The following CRISPLD2 variants were observed in gnomAD, a reference collection of about 807,000 sequenced individuals.
CRISPLD2 encodes the protein cysteine-rich secretory protein LCCL domain-containing 2.
In CRISPLD2, 47 loss-of-function variants were observed where a neutral mutation model predicts 71.1. That is an observed-to-expected ratio of 0.66 (90% CI 0.52 to 0.84). The LOEUF (loss-of-function observed/expected upper bound fraction) is 0.84. Among genes scored for constraint, CRISPLD2 ranks in the 40% least tolerant of loss-of-function variants. CRISPLD2 has a pLI of 0.00. For missense variants in CRISPLD2, 830 were observed against 651.1 expected, an observed-to-expected ratio of 1.27 and a Z score of -2.99; for synonymous variants, 317 against 250.1, an observed-to-expected ratio of 1.27 and a Z score of -2.52.
intron 13 of CRISPLD2, among the ~76,000 whole-genome samples, chr16:84,884,882 G>T (rs2071598948): frequency 6.6e-6 from 1 of 152,180 alleles, no homozygotes; most frequent in African/African-American, 2.4e-5. Flanking sequence ...CCAGGAGGGT[G>T]CCCCTCCCCC....
rs571507455 is a variant in CRISPLD2, at chr16:84,899,841, A to G, written c.1440-6747A>G. On this transcript the variant is annotated intron_variant, in intron 14 of 14. Transcript: ENST00000262424. ...AACATGAGAACCCACTGCACCGTCC[A>G]TAGAATCTGCAGACCCATAGTAAGT... is the stretch of plus-strand genomic sequence containing the variant. Among the ~76,000 whole-genome samples the G allele has an allele frequency of 4.6e-5, 7 of 152,298 alleles. No homozygotes were observed. In the South Asian group the frequency reaches 1.0e-3, roughly 23 times the overall value.
rs1473710662 is a variant in CRISPLD2, at chr16:84,891,977, C to T, written c.1439+2614C>T. Among the ~76,000 whole-genome samples the T allele has an allele frequency of 2.6e-5, 4 of 152,354 alleles. No individual in the cohort carries two copies. In the South Asian group the frequency reaches 8.3e-4, roughly 32 times the overall value. The stretch of plus-strand genomic sequence containing the variant: ...ACTCTAGAAAGATTTTAGTGATTTT[C>T]TGCAGCATTTCCAGAGTTAAGACTT... On this transcript the variant is annotated intron_variant, in intron 14 of 14. Transcript: ENST00000262424.
chr16:84,894,559 G>A (rs916988163), intron 14 of CRISPLD2, among the ~76,000 whole-genome samples: 1 of 152,184 alleles, frequency 6.6e-6, no homozygotes, highest in Non-Finnish European at 1.5e-5. Flanking sequence ...TAGGGGTGTG[G>A]TCTGCTGTGG....
intron 1 of CRISPLD2, among the ~76,000 whole-genome samples, chr16:84,833,795 C>G (rs1916547629): frequency 6.6e-6 from 1 of 152,138 alleles, no homozygotes; most frequent in Non-Finnish European, 1.5e-5. Flanking sequence ...ATGGGGGTGA[C>G]ACGTTGGTGC....
At chr16:84,825,962 A>G (rs541123256) in intron 1 of CRISPLD2, among the ~76,000 whole-genome samples, 9 of 152,200 alleles carry the variant, frequency 5.9e-5, no homozygotes, top group Admixed American at 3.9e-4. Flanking sequence ...GTCTCAAAAA[A>G]AAAAAAGTGG....
chr16:84,858,567 C>T (rs1192676862), intron 6 of CRISPLD2, among the ~76,000 whole-genome samples: 2 of 152,164 alleles, frequency 1.3e-5, no homozygotes, highest in Admixed American at 6.5e-5. Context: ...CCAATAAGTC[C>T]AACGTGTTTG....
intron 6 of CRISPLD2, among the ~76,000 whole-genome samples, chr16:84,866,390 C>T (rs1917538029): frequency 1.3e-5 from 2 of 152,170 alleles, no homozygotes; most frequent in South Asian, 4.1e-4. Flanking sequence ...CGTCCGCCAC[C>T]ATGCCCAGCT....
intron 14 of CRISPLD2, 60 bp from the exon 15 acceptor site, chr16:84,906,528 G>A: frequency 2.5e-6 from 4 of 1,584,132 alleles, no homozygotes; most frequent in South Asian, 2.2e-5. Context: ...CCCACCCAGA[G>A]TCCCTGCAGG....
intron 13 of CRISPLD2, among the ~76,000 whole-genome samples, chr16:84,885,134 C>G (rs1466232171): frequency 6.6e-6 from 1 of 152,206 alleles, no homozygotes. Context: ...AAAATCTGCT[C>G]CAGCCCTCGG....
intron 14 of CRISPLD2, among the ~76,000 whole-genome samples, chr16:84,903,724 G>A (rs573969457): frequency 5.9e-5 from 9 of 152,310 alleles, no homozygotes; most frequent in Admixed American, 1.3e-4. Flanking sequence ...GAATGCCAAA[G>A]CAGGATGCAT....
At chr16:84,865,672 G>A (rs1211265924) in intron 6 of CRISPLD2, among the ~76,000 whole-genome samples, 7 of 152,120 alleles carry the variant, frequency 4.6e-5, no homozygotes, top group Admixed American at 2.0e-4. Flanking sequence ...AGATATGCTC[G>A]TGAATTTGTC....
intron 6 of CRISPLD2, among the ~76,000 whole-genome samples, chr16:84,856,424 T>G (rs189650898): frequency 6.6e-6 from 1 of 152,298 alleles, no homozygotes; most frequent in African/African-American, 2.4e-5. Context: ...GTGGCAACCT[T>G]AACTTCCAGT....
At chr16:84,895,136 C>G (rs2071695109) in intron 14 of CRISPLD2, among the ~76,000 whole-genome samples, 1 of 152,168 alleles carries the variant, frequency 6.6e-6, no homozygotes. Flanking sequence ...CCCCAACAGC[C>G]CTGCAAAGTA....
chr16:84,886,077 A>G (rs1385937407), intron 13 of CRISPLD2, among the ~76,000 whole-genome samples: 2 of 152,164 alleles, frequency 1.3e-5, no homozygotes, highest in East Asian at 1.9e-4. Flanking sequence ...TTTAGTAGAG[A>G]TGGGGTTTCA....
At chr16:84,876,450 C>A (rs2071518961) in intron 11 of CRISPLD2, among the ~76,000 whole-genome samples, 1 of 151,452 alleles carries the variant, frequency 6.6e-6, no homozygotes, top group African/African-American at 2.4e-5. Context: ...TGCAGTGAGC[C>A]AAGATCATGC....
intron 14 of CRISPLD2, among the ~76,000 whole-genome samples, chr16:84,889,650 G>A (rs1034444571): frequency 6.6e-6 from 1 of 151,668 alleles, no homozygotes; most frequent in Admixed American, 6.6e-5. Flanking sequence ...ATAATCTGTA[G>A]GAACATCAGA....
chr16:84,870,526 A>C (rs917449287), intron 8 of CRISPLD2, among the ~76,000 whole-genome samples: 3 of 152,110 alleles, frequency 2.0e-5, no homozygotes, highest in African/African-American at 7.2e-5. Flanking sequence ...TCACCAGGCC[A>C]GGCTGGTCTC....
intron 1 of CRISPLD2, among the ~76,000 whole-genome samples, chr16:84,829,549 C>A (rs1916435857): frequency 6.6e-6 from 1 of 152,116 alleles, no homozygotes; most frequent in African/African-American, 2.4e-5. Flanking sequence ...AAGGGTAGAG[C>A]CTAGAGAACA....
At chr16:84,829,267 C>T (rs982767019) in intron 1 of CRISPLD2, 3 of 152,176 alleles carry the variant, frequency 2.0e-5, no homozygotes, top group African/African-American at 7.3e-5. Context: ...GGTCTGGCTT[C>T]AATCCTGCCA....
Sources: gnomAD v4.1 joint callset for allele counts (sites outside exome capture counted in the v4.1 genomes callset) on GRCh38, gnomAD v4.1.1 for gene constraint, MANE v1.5 for transcripts, NCBI Gene and HGNC (gene_info 2026-07-23, HGNC 2026-07-21) for gene names.